LRRC69: variants seen among roughly 807,000 people sequenced by gnomAD.
The protein encoded by LRRC69 is leucine-rich repeat-containing protein 69.
In LRRC69, 42 loss-of-function variants were observed where a neutral mutation model predicts 37.8. That is an observed-to-expected ratio of 1.11 (90% confidence interval 0.87 to 1.44). The LOEUF is 1.44. LRRC69 is among the 40% of genes most tolerant of loss of function. The pLI is 0.00. For missense variants in LRRC69, 357 were observed against 401.9 expected (o/e 0.89, Z 0.96); for synonymous variants, 141 against 143.1 (o/e 0.99, Z 0.11).
At chr8:91,175,804 A>T (rs1809213533) in intron 5 of LRRC69, among the ~76,000 whole-genome samples, 1 of 107,634 alleles carries the variant, frequency 9.3e-6, no homozygotes, top group African/African-American at 3.9e-5. Context: ...GTAAGACGTG[A>T]CACCACCGGA....
At chr8:91,121,093 A>C (rs1813611140) in intron 1 of LRRC69, among the ~76,000 whole-genome samples, 1 of 151,926 alleles carries the variant, frequency 6.6e-6, no homozygotes, top group Non-Finnish European at 1.5e-5. Context: ...TACATCATAC[A>C]ACATTCTGGC....
chr8:91,147,699 T>C (rs1288122290), intron 5 of LRRC69, among the ~76,000 whole-genome samples: 2 of 151,908 alleles, frequency 1.3e-5, no homozygotes, highest in Non-Finnish European at 2.9e-5. Context: ...TTACTATTCC[T>C]ATTTTAAAAT....
intron 7 of LRRC69, among the ~76,000 whole-genome samples, chr8:91,204,188 T>C (rs958243713): frequency 2.0e-5 from 3 of 151,588 alleles, no homozygotes; most frequent in Admixed American, 2.0e-4. Context: ...GAATCTCTGC[T>C]CTCCCTGTTT....
intron 1 of LRRC69, among the ~76,000 whole-genome samples, chr8:91,113,397 C>T (rs1452930495): frequency 6.6e-6 from 1 of 151,826 alleles, no homozygotes; most frequent in Non-Finnish European, 1.5e-5. Flanking sequence ...AATAGAGAGC[C>T]CAGAAATAAA....
intron 5 of LRRC69, among the ~76,000 whole-genome samples, chr8:91,153,440 T>TA (rs1350002771): frequency 6.7e-6 from 1 of 150,214 alleles, no homozygotes; most frequent in African/African-American, 2.4e-5. Context: ...GTACTTACTC[T>TA]AAAATTGATG....
At chr8:91,199,109 A>T (rs1809670525) in intron 6 of LRRC69, among the ~76,000 whole-genome samples, 1 of 152,196 alleles carries the variant, frequency 6.6e-6, no homozygotes, top group Admixed American at 6.5e-5. Flanking sequence ...TTGGGTAGTG[A>T]ATCCTTATCC....
intron 1 of LRRC69, among the ~76,000 whole-genome samples, chr8:91,104,279 T>C (rs897595163): frequency 4.6e-5 from 7 of 151,938 alleles, no homozygotes; most frequent in African/African-American, 1.7e-4. Flanking sequence ...AGCTGTCCTT[T>C]CCTCTCCCCC....
chr8:91,196,533 T>A (rs1184882506), intron 6 of LRRC69, among the ~76,000 whole-genome samples: 2 of 152,028 alleles, frequency 1.3e-5, no homozygotes, highest in Admixed American at 1.3e-4. Context: ...TCTTGGAGGG[T>A]TTGCTCATTT....
chr8:91,134,664 A>G (rs1813875590), intron 4 of LRRC69, among the ~76,000 whole-genome samples: 2 of 151,960 alleles, frequency 1.3e-5, no homozygotes, highest in Non-Finnish European at 2.9e-5. Context: ...AGTCAAGTTG[A>G]CACCTAAAAT....
At chr8:91,179,757 T>TA (rs1809293227) in intron 5 of LRRC69, among the ~76,000 whole-genome samples, 1 of 152,212 alleles carries the variant, frequency 6.6e-6, no homozygotes, top group South Asian at 2.1e-4. Flanking sequence ...ATTTATGTAT[T>TA]AAACGTATGC....
At chr8:91,187,430 G>A (rs1809424049) in intron 5 of LRRC69, among the ~76,000 whole-genome samples, 1 of 152,086 alleles carries the variant, frequency 6.6e-6, no homozygotes, top group African/African-American at 2.4e-5. Context: ...TTAATATTTA[G>A]TACACACAAC....
chr8:91,116,445 A>G lies in LRRC69; in HGVS notation c.184-8048A>G, dbSNP rs918516842. On this transcript the variant is annotated intron_variant, in intron 1 of 7. Transcript: ENST00000448384. ...ATACAGACTCAAGAATGTGCACATGATAGGACAAGGATATTTAAAATGAGA... is the reference window on the plus strand; with the variant it reads ...ATACAGACTCAAGAATGTGCACATGGTAGGACAAGGATATTTAAAATGAGA... Among the ~76,000 whole-genome samples, 4 of 152,172 alleles carry G rather than the reference A, an allele frequency of 2.6e-5. 1 individual carries two copies. The Middle Eastern group carries it at 0.01, about 388-fold the overall frequency.
chr8:91,195,849 A>C (rs1232695622), intron 6 of LRRC69, among the ~76,000 whole-genome samples: 2 of 151,210 alleles, frequency 1.3e-5, no homozygotes, highest in East Asian at 3.9e-4. Context: ...TTTACATTTA[A>C]AGTTAATATT....
At chr8:91,194,017 C>T (rs1368340681) in intron 6 of LRRC69, among the ~76,000 whole-genome samples, 1 of 123,094 alleles carries the variant, frequency 8.1e-6, no homozygotes, top group Non-Finnish European at 1.7e-5. Flanking sequence ...TTTTGAAATA[C>T]GTCCCATCAA....
At chr8:91,127,628 AAAGG>A (rs1586233279) in intron 3 of LRRC69, among the ~76,000 whole-genome samples, 2 of 114,888 alleles carry the variant, frequency 1.7e-5, no homozygotes, top group East Asian at 4.5e-4. Flanking sequence ...AAAAAAAAAA[AAAGG>A]CTGTTTTTCC....
chr8:91,196,809 A>G (rs1255741344), intron 6 of LRRC69, among the ~76,000 whole-genome samples: 1 of 151,920 alleles, frequency 6.6e-6, no homozygotes, highest in Non-Finnish European at 1.5e-5. Context: ...CGTAGCTCAG[A>G]GTAATTTGAT....
At chr8:91,114,253 T>G (rs1214009121) in intron 1 of LRRC69, among the ~76,000 whole-genome samples, 1 of 151,914 alleles carries the variant, frequency 6.6e-6, no homozygotes, top group East Asian at 1.9e-4. Flanking sequence ...AGTATGAAGA[T>G]TCCTCAAAAA....
At chr8:91,163,715 T>A (rs1243622796) in intron 5 of LRRC69, among the ~76,000 whole-genome samples, 3 of 151,580 alleles carry the variant, frequency 2.0e-5, no homozygotes, top group African/African-American at 4.8e-5. Context: ...TATTTCCTTT[T>A]AAATTTTATC....
At chr8:91,155,316 A>C (rs1215401657) in intron 5 of LRRC69, among the ~76,000 whole-genome samples, 1 of 151,022 alleles carries the variant, frequency 6.6e-6, no homozygotes, top group South Asian at 2.1e-4. Flanking sequence ...TTTCTATTAC[A>C]TACCTCCATC....
Sources: gnomAD v4.1 joint callset for allele counts (sites outside exome capture counted in the v4.1 genomes callset) on GRCh38, gnomAD v4.1.1 for gene constraint, MANE v1.5 for transcripts, NCBI Gene and HGNC (gene_info 2026-07-23, HGNC 2026-07-21) for gene names.